The following VDAC2 variants were observed in gnomAD, a reference collection of about 807,000 sequenced individuals.
The protein encoded by VDAC2 is non-selective voltage-gated ion channel VDAC2.
VDAC2 carries 6 observed loss-of-function variants against 36.6 expected under a neutral mutation model. The observed-to-expected ratio is 0.16, with a 90% CI of 0.09 to 0.32. The LOEUF (loss-of-function observed/expected upper bound fraction) is 0.32. Ranked by LOEUF, VDAC2 falls within the 10% of genes least tolerant of loss-of-function variation. VDAC2 has a pLI of 1.00. For synonymous variants in VDAC2, 109 were observed against 123.8 expected, an observed-to-expected ratio of 0.88 and a Z score of 0.79; for missense variants, 247 against 346.0, an observed-to-expected ratio of 0.71 and a Z score of 2.27.
intron 6 of VDAC2, among the ~76,000 whole-genome samples, chr10:75,220,391 G>A (rs1325444441): frequency 1.3e-5 from 2 of 152,176 alleles, no homozygotes; most frequent in East Asian, 1.9e-4. Context: ...TTACAGGCGG[G>A]AGCCACCATG....
intron 2 of VDAC2, among the ~76,000 whole-genome samples, 176 bp from the exon 3 acceptor site, chr10:75,212,054 T>C (rs1198381386): frequency 6.6e-6 from 1 of 152,280 alleles, no homozygotes; most frequent in Non-Finnish European, 1.5e-5. Context: ...AATAATTCGT[T>C]GGTGGTATCT....
chr10:75,221,701 T>C (rs1483612841), intron 7 of VDAC2, among the ~76,000 whole-genome samples: 1 of 152,190 alleles, frequency 6.6e-6, no homozygotes, highest in Non-Finnish European at 1.5e-5. Context: ...CTCAAACTCC[T>C]GGCCTCAAGC....
At chr10:75,216,549 T>C (rs941242511) in intron 4 of VDAC2, among the ~76,000 whole-genome samples, 6 of 152,212 alleles carry the variant, frequency 3.9e-5, no homozygotes, top group Non-Finnish European at 7.3e-5. Context: ...CCTGGCTCTG[T>C]TTTCTTACCT....
At position 75,220,819 on chromosome 10, in the gene VDAC2, G is replaced by T; in HGVS notation, c.433G>T (p.Ala145Ser). 1 of 1,613,588 alleles carries T rather than the reference G, an allele frequency of 6.2e-7. No individual in the cohort carries two copies. Among genetic ancestry groups the T allele is most frequent in the Non-Finnish European group, 8.5e-7 (1 of 1,179,584 alleles). The part of the protein sequence containing the change: ...NLGCDVDFDF[A>S]GPAIHGSAVF... ...TGGTTGTGATGTTGACTTTGATTTT[G>T]CTGGACCTGCAATCCATGGTTCAGC... The change falls in exon 7 of 10, where the codon GCT (alanine) becomes TCT (serine). Residue 145 changes from alanine to serine, a missense_variant. Around this residue, in one of 3 missense-constraint regions of VDAC2, gnomAD observed 159 missense variants for 234.0 expected, o/e 0.68. Coordinates refer to ENST00000332211, the MANE Select transcript of VDAC2 (RefSeq NM_001391963.1).
upstream of VDAC2, among the ~76,000 whole-genome samples, chr10:75,210,457 G>A (rs1474334739): frequency 6.6e-6 from 1 of 152,214 alleles, no homozygotes; most frequent in Non-Finnish European, 1.5e-5. Context: ...GTGCGCAGCC[G>A]CGCCCTATCG....
intron 8 of VDAC2, 35 bp from the exon 9 acceptor site, chr10:75,229,609 A>C: frequency 6.5e-7 from 1 of 1,542,408 alleles, no homozygotes; most frequent in Non-Finnish European, 8.9e-7. Context: ...CTATTGAAAT[A>C]TTTTTCTTAC....
intron 8 of VDAC2, 50 bp downstream of exon 8, chr10:75,222,452 T>A (rs1224926842): frequency 6.2e-7 from 1 of 1,601,004 alleles, no homozygotes; most frequent in Non-Finnish European, 8.5e-7. Flanking sequence ...TGGGAATGAG[T>A]CTTTGGGTAT....
chr10:75,214,320 C>T (rs1011085406), intron 4 of VDAC2, among the ~76,000 whole-genome samples: 7 of 152,188 alleles, frequency 4.6e-5, no homozygotes, highest in South Asian at 2.1e-4. Flanking sequence ...ACTCTTTACT[C>T]GTAAGATTAC....
At chr10:75,219,502 A>AGATG (rs1841735234) in intron 6 of VDAC2, 146 bp downstream of exon 6, 3 of 706,410 alleles carry the variant, frequency 4.2e-6, no homozygotes, top group Non-Finnish European at 6.8e-6. Flanking sequence ...TATTTATTTG[A>AGATG]GATGGAGTCT....
chr10:75,212,643 C>T (rs1284067245), intron 3 of VDAC2, among the ~76,000 whole-genome samples: 2 of 152,120 alleles, frequency 1.3e-5, no homozygotes, highest in Non-Finnish European at 2.9e-5. Flanking sequence ...AACACAGTGG[C>T]CTCTCAAAGC....
At chr10:75,221,406 C>T (rs1008376075) in intron 7 of VDAC2, among the ~76,000 whole-genome samples, 1 of 151,754 alleles carries the variant, frequency 6.6e-6, no homozygotes, top group Non-Finnish European at 1.5e-5. Flanking sequence ...GATCTCGGCT[C>T]ACTCCAACAT....
intron 7 of VDAC2, among the ~76,000 whole-genome samples, 154 bp from the exon 8 acceptor site, chr10:75,222,098 A>G (rs1173376717): frequency 6.6e-6 from 1 of 152,206 alleles, no homozygotes. Context: ...GGGTTGGGGA[A>G]AAAAACCTGT....
chr10:75,215,346 G>T (rs921930848), intron 4 of VDAC2, among the ~76,000 whole-genome samples: 2 of 151,730 alleles, frequency 1.3e-5, no homozygotes, highest in Admixed American at 1.3e-4. Context: ...TATATATAGA[G>T]AGAGAGAGAC....
At chr10:75,211,026 G>A in intron 1 of VDAC2, 88 bp downstream of exon 1, 1 of 1,100,908 alleles carries the variant, frequency 9.1e-7, no homozygotes, top group Non-Finnish European at 1.2e-6. Context: ...AGTCGGCCCT[G>A]GCTTCCTAAG....
chr10:75,229,866 CTT>C (rs376672322), intron 9 of VDAC2, among the ~76,000 whole-genome samples, 165 bp downstream of exon 9: 15 of 138,224 alleles, frequency 1.1e-4, no homozygotes, highest in Non-Finnish European at 1.1e-4. Flanking sequence ...TTTTTCTTTG[CTT>C]TTTTTTTTTT....
chr10:75,219,279 A>ATAAAT (rs759805162), intron 5 of VDAC2, 25 bp from the exon 6 acceptor site: 372 of 1,574,548 alleles, frequency 2.4e-4, no homozygotes, highest in Non-Finnish European at 3.1e-4. Flanking sequence ...AAAAAAGAAA[A>ATAAAT]CAAATTACTT....
intron 4 of VDAC2, among the ~76,000 whole-genome samples, chr10:75,215,997 C>T (rs1411238320): frequency 2.0e-5 from 3 of 152,230 alleles, no homozygotes; most frequent in Non-Finnish European, 4.4e-5. Flanking sequence ...TGAGCCACAG[C>T]GCTAGCCCTG....
At chr10:75,213,911 C>A (rs943053348) in intron 3 of VDAC2, 110 bp from the exon 4 acceptor site, 16 of 1,029,950 alleles carry the variant, frequency 1.6e-5, no homozygotes, top group Non-Finnish European at 2.2e-5. Context: ...ACATTTTTAT[C>A]CACCTCTGAA....
Position 75,219,326 on chromosome 10 carries a change from C to T in VDAC2, c.326C>T (p.Thr109Ile), listed in dbSNP as rs372868167. 3 of 1,600,516 alleles carry T rather than the reference C, an allele frequency of 1.9e-6. No individual in the cohort carries two copies. Among genetic ancestry groups the T allele is most frequent in the Non-Finnish European group, 2.6e-6 (3 of 1,174,272 alleles). Reference protein sequence around the residue: ...EDQICQGLKLTFDTTFSPNTG... With the variant: ...EDQICQGLKLIFDTTFSPNTG... ...TAGATTTGTCAAGGTTTGAAACTGA[C>T]ATTTGATACTACCTTCTCACCAAAC... The change falls in exon 6 of 10, where the codon ACA becomes ATA. Residue 109 changes from threonine to isoleucine, a missense_variant. Physicochemically the swap from Thr to Ile is moderately conservative, Grantham distance 89. Around this residue, in one of 3 missense-constraint regions of VDAC2, gnomAD observed 159 missense variants for 234.0 expected, o/e 0.68. Transcript: ENST00000332211.
Sources: gnomAD v4.1 joint callset for allele counts (sites outside exome capture counted in the v4.1 genomes callset) on GRCh38, gnomAD v4.1.1 for gene constraint, gnomAD v4.1.1 regional missense constraint, MANE v1.5 for transcripts, NCBI Gene and HGNC (gene_info 2026-07-23, HGNC 2026-07-21) for gene names.